The following BAZ2B variants were observed in gnomAD, a reference collection of about 807,000 sequenced individuals.
BAZ2B encodes the protein bromodomain adjacent to zinc finger domain protein 2B.
A neutral mutation model predicts 246.0 loss-of-function variants in BAZ2B; 91 were observed. The ratio of observed to expected loss-of-function variants is 0.37; its 90% CI spans 0.31 to 0.44. BAZ2B has a LOEUF of 0.44. Ranked by LOEUF, BAZ2B falls within the 20% of genes least tolerant of loss-of-function variation. The probability of loss-of-function intolerance (pLI) is 1.00; values close to 1 mark genes in which losing one functional copy is unlikely to be tolerated. For synonymous variants in BAZ2B, 855 were observed against 860.0 expected, an observed-to-expected ratio of 0.99 and a Z score of 0.10; for missense variants, 2,332 against 2,533.7, an observed-to-expected ratio of 0.92 and a Z score of 1.71.
chr2:159,641,287 G>A, the BAZ2B span, among the ~76,000 whole-genome samples: 14 of 152,164 alleles, frequency 9.2e-5, no homozygotes, highest in African/African-American at 2.7e-4. Context: ...ATCTCATTGC[G>A]GTTTTGAGTT....
At chr2:159,651,772 T>A in the BAZ2B span, among the ~76,000 whole-genome samples, 1 of 152,182 alleles carries the variant, frequency 6.6e-6, no homozygotes, top group Non-Finnish European at 1.5e-5. Context: ...CTATTCCACA[T>A]ATTTTATATA....
At chr2:159,377,332 T>A (rs2061507399) in intron 25 of BAZ2B, among the ~76,000 whole-genome samples, 1 of 152,216 alleles carries the variant, frequency 6.6e-6, no homozygotes, top group Admixed American at 6.5e-5. Context: ...GAAATTGATG[T>A]GTCTGCCAGT....
chr2:159,585,195 T>C (rs1687762991), intron 1 of BAZ2B, among the ~76,000 whole-genome samples: 1 of 152,180 alleles, frequency 6.6e-6, no homozygotes, highest in Non-Finnish European at 1.5e-5. Flanking sequence ...AGTGGTAAAG[T>C]CAAACTTTTG....
At chr2:159,318,245 T>G (rs1196184243), downstream of BAZ2B, among the ~76,000 whole-genome samples, 1 of 152,220 alleles carries the variant, frequency 6.6e-6, no homozygotes, top group Non-Finnish European at 1.5e-5. Context: ...TTATTCACAG[T>G]GCTGCCTTCT....
At chr2:159,663,753 G>A in the BAZ2B span, among the ~76,000 whole-genome samples, 1 of 151,268 alleles carries the variant, frequency 6.6e-6, no homozygotes, top group Admixed American at 6.6e-5. Context: ...TCCTGACCTC[G>A]TGATCTGCTT....
the BAZ2B span, among the ~76,000 whole-genome samples, chr2:159,638,670 T>C: frequency 6.6e-6 from 1 of 151,988 alleles, no homozygotes; most frequent in African/African-American, 2.4e-5. Flanking sequence ...AACAGTGAGC[T>C]TGAAGACAAG....
At chr2:159,581,786 G>A (rs780365374) in intron 1 of BAZ2B, among the ~76,000 whole-genome samples, 34 of 152,032 alleles carry the variant, frequency 2.2e-4, no homozygotes, top group South Asian at 8.3e-4. Flanking sequence ...TATGGATGAA[G>A]CTGGAAACCA....
At chr2:159,549,326 G>C (rs1470936221) in intron 2 of BAZ2B, among the ~76,000 whole-genome samples, 2 of 152,076 alleles carry the variant, frequency 1.3e-5, no homozygotes, top group Non-Finnish European at 2.9e-5. Context: ...ACATTTACAT[G>C]TCTCTGAACA....
intron 1 of BAZ2B, among the ~76,000 whole-genome samples, chr2:159,588,212 A>C (rs1578677685): frequency 4.1e-5 from 5 of 121,520 alleles, no homozygotes; most frequent in Admixed American, 7.9e-5. Flanking sequence ...AAGACCCTGC[A>C]TCAAAAAAAA....
chr2:159,537,867 T>C (rs2086207441), intron 2 of BAZ2B, among the ~76,000 whole-genome samples: 1 of 151,760 alleles, frequency 6.6e-6, no homozygotes, highest in Admixed American at 6.5e-5. Flanking sequence ...AGTGTGTATG[T>C]TAATCTACCA....
At chr2:159,517,535 C>T (rs1164849633) in intron 2 of BAZ2B, among the ~76,000 whole-genome samples, 1 of 152,030 alleles carries the variant, frequency 6.6e-6, no homozygotes, top group Non-Finnish European at 1.5e-5. Context: ...AATATCCTAA[C>T]TATTTAGAAC....
chr2:159,376,054 T>C (rs1289516761), intron 25 of BAZ2B, among the ~76,000 whole-genome samples: 2 of 152,290 alleles, frequency 1.3e-5, no homozygotes, highest in East Asian at 1.9e-4. Context: ...ATCTCCAAAT[T>C]GTAGGTTTTA....
intron 2 of BAZ2B, among the ~76,000 whole-genome samples, chr2:159,506,534 G>A (rs1200817856): frequency 6.6e-6 from 1 of 152,148 alleles, no homozygotes; most frequent in Middle Eastern, 3.2e-3. Context: ...TTAGATGGAG[G>A]AATATCTCCT....
chr2:159,477,657 T>C (rs993245145), intron 3 of BAZ2B, among the ~76,000 whole-genome samples: 2 of 152,110 alleles, frequency 1.3e-5, no homozygotes, highest in African/African-American at 2.4e-5. Flanking sequence ...AGATAAGAAA[T>C]AGTTAAAATT....
chr2:159,315,416 T>A (rs1342744376), downstream of BAZ2B, among the ~76,000 whole-genome samples: 1 of 152,188 alleles, frequency 6.6e-6, no homozygotes, highest in Non-Finnish European at 1.5e-5. Flanking sequence ...CTTATGAAGT[T>A]TCAGTCGAGA....
At chr2:159,635,060 A>G in the BAZ2B span, among the ~76,000 whole-genome samples, 4 of 152,244 alleles carry the variant, frequency 2.6e-5, no homozygotes, top group African/African-American at 7.2e-5. Context: ...CTAGGAATAG[A>G]AAGAAGACAT....
chr2:159,316,208 A>C (rs1400154363), downstream of BAZ2B, among the ~76,000 whole-genome samples: 1 of 152,200 alleles, frequency 6.6e-6, no homozygotes, highest in Non-Finnish European at 1.5e-5. Context: ...GAATAATGTA[A>C]AGAGTGTGCC....
Position 159,349,848 on chromosome 2 carries a change from G to A in BAZ2B, c.4723C>T (p.His1575Tyr). 1 of 1,614,190 alleles carries A rather than the reference G, an allele frequency of 6.2e-7. No homozygotes were observed. The highest frequency in any genetic ancestry group is 8.5e-7 in the Non-Finnish European group (1 of 1,180,012). Residue 1575 changes from histidine (H) to tyrosine (Y), a missense_variant, in exon 28 of 37, where the codon CAT becomes TAT. Physicochemically the swap from His to Tyr is moderately conservative, Grantham distance 83. This residue lies in a region of BAZ2B where 676 missense variants were observed against 668.6 expected (regional missense o/e 1.01). Transcript: ENST00000392783. ...RTPCDDTSLT[H>Y]ADMSTASLVT... Reference sequence around the variant, plus strand: ...AAAGAAGCAGTTGACATATCGGCATGAGTAAGTGAAGTGTCATCACAGGGT... The same window carrying A: ...AAAGAAGCAGTTGACATATCGGCATAAGTAAGTGAAGTGTCATCACAGGGT...
chr2:159,534,316 G>A (rs931894564), intron 2 of BAZ2B, among the ~76,000 whole-genome samples: 10 of 152,182 alleles, frequency 6.6e-5, no homozygotes, highest in African/African-American at 2.4e-4. Context: ...AGATGGTAAA[G>A]ACTACTACAT....
Sources: gnomAD v4.1 joint callset for allele counts (sites outside exome capture counted in the v4.1 genomes callset) on GRCh38, gnomAD v4.1.1 for gene constraint, gnomAD v4.1.1 regional missense constraint, MANE v1.5 for transcripts, NCBI Gene and HGNC (gene_info 2026-07-23, HGNC 2026-07-21) for gene names.